ONECUT1: variants seen among roughly 807,000 people sequenced by gnomAD.
The protein encoded by ONECUT1 is hepatocyte nuclear factor 6.
Under a neutral mutation model 25.6 loss-of-function variants are expected in ONECUT1, and 12 were observed. The ratio of observed to expected loss-of-function variants is 0.47; its 90% CI spans 0.30 to 0.76. ONECUT1 has a LOEUF of 0.76. Ranked by LOEUF, ONECUT1 falls within the 30% of genes least tolerant of loss-of-function variation. ONECUT1 has a pLI of 0.07. For missense variants in ONECUT1, 620 were observed against 651.2 expected (o/e 0.95, Z 0.52); for synonymous variants, 285 against 270.2 (o/e 1.05, Z -0.54).
At position 52,789,839 on chromosome 15, in the gene ONECUT1, C is replaced by A. The variant is rs760541486; in HGVS notation, c.46G>T (p.Val16Leu). ...TMEAIGELHG[V>L]SHEPVPAPAD... ...GGGGCGGGCACCGGCTCATGGCTCA[C>A]CCCGTGCAGCTCGCCGATCGCTTCC... is the stretch of plus-strand genomic sequence containing the variant. Residue 16 changes from valine to leucine, a missense_variant, in exon 1 of 2, where the codon GTG becomes TTG. Coordinates refer to ENST00000305901, the MANE Select transcript of ONECUT1 (RefSeq NM_004498.4). The surrounding 1 kb of genome is among the most constrained non-coding windows in gnomAD (Gnocchi z 4.1). 7 of 1,542,612 alleles carry A rather than the reference C, an allele frequency of 4.5e-6. No homozygotes were observed. The highest frequency in any genetic ancestry group is 1.7e-4 in the Middle Eastern group (1 of 5,824).
In ONECUT1 at chr15:52,789,945, G is replaced by T. The variant is rs1596060673; in HGVS notation, c.-61C>A. 1 of 1,467,610 alleles carries T rather than the reference G, an allele frequency of 6.8e-7. No homozygotes were observed. Among genetic ancestry groups the T allele is most frequent in the Non-Finnish European group, 8.9e-7 (1 of 1,118,176 alleles). The allele number at this position is 1,467,610 out of a possible 1,614,324, so 90.9% of individuals were successfully genotyped here. ...GATGTGGCCAGGCAGAGGCGGCGAG[G>T]GGCGCACGGAGTCCGGTCTTCACAT... On this transcript the variant is annotated 5_prime_UTR_variant, in exon 1 of 2. Transcript: ENST00000305901. This position sits in a 1 kb window ranked among gnomAD's most constrained non-coding sequence, Gnocchi z 4.1.
chr15:52,771,484 T>A (rs1455472456), intron 1 of ONECUT1, among the ~76,000 whole-genome samples: 1 of 151,758 alleles, frequency 6.6e-6, no homozygotes, highest in Non-Finnish European at 1.5e-5. Context: ...TGTGTATATA[T>A]CTATGGAAAA....
chr15:52,774,122 TACACACACACACACACAC>T (rs35891922), intron 1 of ONECUT1, among the ~76,000 whole-genome samples: 9 of 137,714 alleles, frequency 6.5e-5, no homozygotes, highest in South Asian at 2.5e-4. Context: ...ATTGGAAGGA[TACACACACACACACACAC>T]ACACACACAC....
At chr15:52,774,940 G>A (rs1186530771) in intron 1 of ONECUT1, among the ~76,000 whole-genome samples, 1 of 152,104 alleles carries the variant, frequency 6.6e-6, no homozygotes, top group African/African-American at 2.4e-5. Flanking sequence ...TCATAAAAGA[G>A]CTAGAATAAG....
intron 1 of ONECUT1, among the ~76,000 whole-genome samples, chr15:52,759,188 T>C (rs976250648): frequency 2.0e-5 from 3 of 152,194 alleles, no homozygotes; most frequent in Admixed American, 6.5e-5. Context: ...CTCCCATTGC[T>C]GTCCTACCTG....
rs1299392348 is a variant in ONECUT1, at chr15:52,790,202, C to A, written c.-318G>T. Among the ~76,000 whole-genome samples, 1 of 151,358 alleles carries A rather than the reference C, an allele frequency of 6.6e-6. No individual in the cohort carries two copies. The highest frequency in any genetic ancestry group is 2.4e-5 in the African/African-American group (1 of 41,292). ...GGAGAGCGCAGTGCCCCAGCCCGCC[C>A]GCCTCGGCCACCTCTCGCCCCTCTC... On this transcript the variant is annotated 5_prime_UTR_variant, in exon 1 of 2. Coordinates refer to ENST00000305901, the MANE Select transcript of ONECUT1 (RefSeq NM_004498.4).
chr15:52,760,859 G>A (rs906012906), intron 1 of ONECUT1, among the ~76,000 whole-genome samples: 12 of 152,070 alleles, frequency 7.9e-5, no homozygotes, highest in Non-Finnish European at 1.3e-4. Flanking sequence ...GGGAGAACTG[G>A]AAAGCAGCAA....
chr15:52,789,817 G>A lies in ONECUT1; in HGVS notation c.68C>T (p.Ala23Val). 1.3e-6 allele frequency: 2 copies of A among 1,527,402 alleles called. No homozygotes were observed. Among genetic ancestry groups the A allele is most frequent in the Non-Finnish European group, 1.7e-6 (2 of 1,149,004 alleles). The allele number at this position is 1,527,402 out of a possible 1,614,324, so 94.6% of individuals were successfully genotyped here. Residue 23 changes from alanine to valine, a missense_variant, in exon 1 of 2, where the codon GCC becomes GTC. Transcript: ENST00000305901. This position sits in a 1 kb window ranked among gnomAD's most constrained non-coding sequence, Gnocchi z 4.1. ...GCTGCCGCCCAGCAGGTCGGCAGGG[G>A]CGGGCACCGGCTCATGGCTCACCCC... ...LHGVSHEPVP[A>V]PADLLGGSPH...
chr15:52,777,735 C>CAAAAAA lies in ONECUT1; in HGVS notation c.1105+11044_1105+11045insTTTTTT, dbSNP rs1339746053. The stretch of plus-strand genomic sequence containing the variant: ...ACACACACACACACACACACACACA[C>CAAAAAA]ACAAAAAAACATGTAAAGTTATTTG... On this transcript the variant is annotated intron_variant, in intron 1 of 1. Transcript: ENST00000305901. 6.7e-3 allele frequency among the ~76,000 whole-genome samples: 611 copies of CAAAAAA among 90,836 alleles called. 15 individuals carry two copies. In the East Asian group the frequency reaches 0.069, roughly 10 times the overall value. 59.6% of individuals were successfully genotyped at this position (90,836 alleles called of 152,430 possible). A position where few individuals can be genotyped will look rare whatever the true frequency, so the allele number is the denominator to read the frequency against.
At position 52,784,975 on chromosome 15, in the gene ONECUT1, G is replaced by C. The variant is rs1050136958; in HGVS notation, c.1105+3805C>G. Among the ~76,000 whole-genome samples, 1 of 152,314 alleles carries C rather than the reference G, an allele frequency of 6.6e-6. No homozygotes were observed. The highest frequency in any genetic ancestry group is 2.4e-5 in the African/African-American group (1 of 41,578). ...CGCAGCGGGCTGGGAGCAGCTGCGC[G>C]ACACCAGACCCACAGCGCCAAGACG... On this transcript the variant is annotated intron_variant, in intron 1 of 1. Transcript: ENST00000305901. The surrounding 1 kb of genome is among the most constrained non-coding windows in gnomAD (Gnocchi z 5.0).
At chr15:52,777,737 C>CAAAAAAAAAAAAAAAAAAA in intron 1 of ONECUT1, among the ~76,000 whole-genome samples, 1 of 103,458 alleles carries the variant, frequency 9.7e-6, no homozygotes, top group African/African-American at 4.4e-5. Flanking sequence ...CACACACACA[C>CAAAAAAAAAAAAAAAAAAA]AAAAAAACAT....
intron 1 of ONECUT1, among the ~76,000 whole-genome samples, chr15:52,772,874 A>G (rs769430926): frequency 6.6e-6 from 1 of 152,200 alleles, no homozygotes; most frequent in Non-Finnish European, 1.5e-5. Flanking sequence ...ATTTTATATA[A>G]TAAGACGTGG....
In ONECUT1 at chr15:52,756,894, C is replaced by T. The variant is rs1392922008; in HGVS notation, c.*661G>A. 6.6e-6 allele frequency: 1 copy of T among 152,062 alleles called. No homozygotes were observed. 9.4% of individuals were successfully genotyped at this position (152,062 alleles called of 1,614,324 possible). A position where few individuals can be genotyped will look rare whatever the true frequency, so the allele number is the denominator to read the frequency against. On this transcript the variant is annotated 3_prime_UTR_variant, in exon 2 of 2. Coordinates refer to ENST00000305901, the MANE Select transcript of ONECUT1 (RefSeq NM_004498.4). ...CTAGGTGATTTTTTTAATGGATGGA[C>T]TCATGTTTCATTTCTTAAAAAATAT...
intron 1 of ONECUT1, among the ~76,000 whole-genome samples, chr15:52,768,249 T>A (rs1219734446): frequency 6.6e-6 from 1 of 152,240 alleles, no homozygotes; most frequent in Non-Finnish European, 1.5e-5. Context: ...ATACCCTAGT[T>A]ACCCTGATTT....
intron 1 of ONECUT1, among the ~76,000 whole-genome samples, chr15:52,765,934 C>G (rs560722781): frequency 3.9e-5 from 6 of 152,334 alleles, no homozygotes; most frequent in African/African-American, 9.6e-5. Flanking sequence ...GCATGGGAAG[C>G]AAAGTCCTGC....
rs535358994 is a variant in ONECUT1, at chr15:52,763,206, G to A, written c.1106-5359C>T. Reference sequence around the variant, plus strand: ...ATCTGTTAGGAGTCACCTCCATGAGGGTGGGCAAGCAGACAGCTCTATAGG... The same window carrying A: ...ATCTGTTAGGAGTCACCTCCATGAGAGTGGGCAAGCAGACAGCTCTATAGG... On this transcript the variant is annotated intron_variant, in intron 1 of 1. Transcript: ENST00000305901. 2.6e-5 allele frequency among the ~76,000 whole-genome samples: 4 copies of A among 152,286 alleles called. No individual in the cohort carries two copies. The South Asian group carries it at 8.3e-4, about 32-fold the overall frequency.
At chr15:52,760,874 A>C (rs2083701921) in intron 1 of ONECUT1, among the ~76,000 whole-genome samples, 1 of 152,148 alleles carries the variant, frequency 6.6e-6, no homozygotes, top group African/African-American at 2.4e-5. Flanking sequence ...CAGCAAGATT[A>C]GGGACAAGAA....
intron 1 of ONECUT1, among the ~76,000 whole-genome samples, chr15:52,765,874 T>G (rs921062065): frequency 6.6e-6 from 1 of 152,246 alleles, no homozygotes; most frequent in Non-Finnish European, 1.5e-5. Context: ...GTGTGCCATT[T>G]GAAAAGCAAC....
Position 52,757,532 on chromosome 15 carries a change from G to A in ONECUT1, c.*23C>T, listed in dbSNP as rs770099603. ...TTTTAATTTAAAGCTTTTCCACCGA[G>A]GTTTTAGTTTGTGGTTCTTCCTTCA... is the stretch of plus-strand genomic sequence containing the variant. On this transcript the variant is annotated 3_prime_UTR_variant, in exon 2 of 2. Coordinates refer to ENST00000305901, the MANE Select transcript of ONECUT1 (RefSeq NM_004498.4). 6.3e-7 allele frequency: 1 copy of A among 1,579,668 alleles called. No homozygotes were observed. The highest frequency in any genetic ancestry group is 1.9e-5 in the Admixed American group (1 of 52,644).
Sources: gnomAD v4.1 joint callset for allele counts (sites outside exome capture counted in the v4.1 genomes callset) on GRCh38, gnomAD v4.1.1 for gene constraint, Gnocchi (gnomAD v3.1) non-coding constraint, MANE v1.5 for transcripts, NCBI Gene and HGNC (gene_info 2026-07-23, HGNC 2026-07-21) for gene names.